EXOC1: variants seen among roughly 807,000 people sequenced by gnomAD.
EXOC1 encodes SEC3-like 1.
A neutral mutation model predicts 107.7 loss-of-function variants in EXOC1; 67 were observed. That is an observed-to-expected ratio of 0.62 (90% CI 0.51 to 0.76). The LOEUF (loss-of-function observed/expected upper bound fraction) is 0.76, where lower values mean the gene tolerates loss of function less well. Among genes scored for constraint, EXOC1 ranks in the 30% least tolerant of loss-of-function variants. EXOC1 has a pLI of 0.00. For missense variants in EXOC1, 833 were observed against 1,055.7 expected, an observed-to-expected ratio of 0.79 and a Z score of 2.92; for synonymous variants, 348 against 353.5, an observed-to-expected ratio of 0.98 and a Z score of 0.17.
intron 7 of EXOC1, among the ~76,000 whole-genome samples, chr4:55,871,449 A>T (rs1722432905): frequency 6.6e-6 from 1 of 152,214 alleles, no homozygotes. Flanking sequence ...GACTATAGTC[A>T]ACACCATGAT....
rs570187029 is a variant in EXOC1, at chr4:55,877,544, T to C, written c.1075-373T>C. Reference sequence around the variant, plus strand: ...TAGACTGTTTTGAATGATTTCTCTATTTGTGTTTCTTAATTCAAGCTATAT... The same window carrying C: ...TAGACTGTTTTGAATGATTTCTCTACTTGTGTTTCTTAATTCAAGCTATAT... On this transcript the variant is annotated intron_variant, in intron 8 of 18. Transcript: ENST00000381295. 1.0e-5 allele frequency: 10 copies of C among 985,244 alleles called. No individual in the cohort carries two copies. In the South Asian group the frequency reaches 4.2e-4, roughly 42 times the overall value. 61.0% of individuals were successfully genotyped at this position (985,244 alleles called of 1,614,324 possible).
intron 3 of EXOC1, 48 bp downstream of exon 3, chr4:55,860,589 T>C: frequency 1.2e-6 from 2 of 1,603,036 alleles, no homozygotes; most frequent in Non-Finnish European, 1.7e-6. Context: ...GCATCTTTCA[T>C]TTTATAACAT....
intron 15 of EXOC1, among the ~76,000 whole-genome samples, chr4:55,894,217 C>T (rs903893852): frequency 1.3e-5 from 2 of 151,538 alleles, no homozygotes; most frequent in Non-Finnish European, 2.9e-5. Context: ...TCCAACTACT[C>T]GGGAGGCTGA....
intron 1 of EXOC1, among the ~76,000 whole-genome samples, chr4:55,856,854 ATT>A (rs1721016348): frequency 6.6e-6 from 1 of 152,182 alleles, no homozygotes; most frequent in South Asian, 2.1e-4. Context: ...ACCCTTTTCA[ATT>A]GTATAATTGA....
At chr4:55,866,473 A>G (rs1220280149) in intron 4 of EXOC1, among the ~76,000 whole-genome samples, 1 of 152,094 alleles carries the variant, frequency 6.6e-6, no homozygotes, top group Non-Finnish European at 1.5e-5. Context: ...ATCCTCTGTG[A>G]GGGAGTGTCT....
rs571236285 is a variant in EXOC1 at position 55,886,587 on chromosome 4, A to C, written c.1331-2301A>C. On this transcript the variant is annotated intron_variant, in intron 10 of 18. Coordinates refer to ENST00000381295, the MANE Select transcript of EXOC1 (RefSeq NM_001024924.2). ...AAAAACAAAAAAACAAAAAAAAAAA[A>C]AACAAGAAATGTAACCCCATCGTAA... 3.4e-4 allele frequency among the ~76,000 whole-genome samples: 52 copies of C among 151,974 alleles called. No individual in the cohort carries two copies. The Middle Eastern group carries it at 0.014, about 40-fold the overall frequency.
intron 1 of EXOC1, among the ~76,000 whole-genome samples, chr4:55,854,680 A>G (rs1720794373): frequency 6.6e-6 from 1 of 152,194 alleles, no homozygotes; most frequent in South Asian, 2.1e-4. Context: ...CATTATGGCT[A>G]ACTCCTTTAT....
At chr4:55,901,752 A>G (rs1725950684) in intron 17 of EXOC1, among the ~76,000 whole-genome samples, 1 of 152,136 alleles carries the variant, frequency 6.6e-6, no homozygotes, top group Admixed American at 6.5e-5. Flanking sequence ...AACCTCATAC[A>G]CTGTTGACAG....
Position 55,896,645 on chromosome 4 carries a change from A to G in EXOC1, c.1954-72A>G, listed in dbSNP as rs375539890. On this transcript the variant is annotated intron_variant, in intron 15 of 18. Transcript: ENST00000381295. ...TATATATCTATATCTCCATCTATAT[A>G]TTTTGTTATGATTATATGTAGTTTT... The G allele has an allele frequency of 8.5e-4, 1,050 of 1,237,846 alleles. 12 individuals carry two copies. In the South Asian group the frequency reaches 0.012, roughly 14 times the overall value. 76.7% of individuals were successfully genotyped at this position (1,237,846 alleles called of 1,614,324 possible).
At chr4:55,875,749 T>G (rs771669617) in intron 8 of EXOC1, 13 of 985,290 alleles carry the variant, frequency 1.3e-5, no homozygotes, top group Admixed American at 6.2e-5. Context: ...TTCTTCCCCT[T>G]TAATCAGCGT....
intron 1 of EXOC1, among the ~76,000 whole-genome samples, chr4:55,855,678 G>T (rs994968639): frequency 6.6e-6 from 1 of 152,290 alleles, no homozygotes; most frequent in East Asian, 1.9e-4. Flanking sequence ...TTACAGAAAA[G>T]ATGACATTTT....
chr4:55,888,411 A>G (rs1012749908), intron 10 of EXOC1, among the ~76,000 whole-genome samples: 4 of 152,130 alleles, frequency 2.6e-5, no homozygotes, highest in East Asian at 1.9e-4. Context: ...TTTGTTGGAT[A>G]TAGTATAAAA....
rs1726417554 is a variant in EXOC1 at position 55,904,714 on chromosome 4, A to G, written c.*219A>G. On this transcript the variant is annotated 3_prime_UTR_variant, in exon 19 of 19. Coordinates refer to ENST00000381295, the MANE Select transcript of EXOC1 (RefSeq NM_001024924.2). ...CTATAGGTTGCATACTAACTTAAGC[A>G]TTCATGTCACCATAAAATGCCTTTA... is the stretch of plus-strand genomic sequence containing the variant. 1 of 371,038 alleles carries G rather than the reference A, an allele frequency of 2.7e-6. No homozygotes were observed. The highest frequency in any genetic ancestry group is 4.2e-5 in the East Asian group (1 of 23,804). 23.0% of individuals were successfully genotyped at this position (371,038 alleles called of 1,614,324 possible). A position where few individuals can be genotyped will look rare whatever the true frequency, so the allele number is the denominator to read the frequency against.
rs1415237050 is a variant in EXOC1 at position 55,853,729 on chromosome 4, A to G, written c.-235A>G. On this transcript the variant is annotated 5_prime_UTR_variant, in exon 1 of 19. Transcript: ENST00000381295. Reference sequence around the variant, plus strand: ...AACGCTTTATTGAGGGGCGTATCCTAGTGGCCCCCATCCGGTCTCCGTTTT... The same window carrying G: ...AACGCTTTATTGAGGGGCGTATCCTGGTGGCCCCCATCCGGTCTCCGTTTT... 11 of 152,254 alleles carry G rather than the reference A, an allele frequency of 7.2e-5. No individual in the cohort carries two copies. Among genetic ancestry groups the G allele is most frequent in the Non-Finnish European group, 1.6e-4 (11 of 68,084 alleles). 9.4% of individuals were successfully genotyped at this position (152,254 alleles called of 1,614,324 possible).
chr4:55,855,237 G>A (rs35312459), intron 1 of EXOC1, among the ~76,000 whole-genome samples: 9,475 of 152,272 alleles, frequency 0.062, 369 homozygotes, highest in Non-Finnish European at 0.076. Flanking sequence ...ACCAGATTTT[G>A]TAGGGTTAAG....
In EXOC1 at chr4:55,877,998, C is replaced by T. The variant is rs1332633276; in HGVS notation, c.1156C>T (p.Leu386Phe). 1.2e-6 allele frequency: 2 copies of T among 1,613,702 alleles called. No homozygotes were observed. Among genetic ancestry groups the T allele is most frequent in the Non-Finnish European group, 1.7e-6 (2 of 1,179,878 alleles). ...TCATCATCCATTTCATAGAGATTTG[C>T]TCCGATATGCCAAGCTGATGGAGTG... is the stretch of plus-strand genomic sequence containing the variant. ...PNHHPFHRDL[L>F]RYAKLMEWLK... The change falls in exon 9 of 19, where the codon CTC becomes TTC. Residue 386 changes from leucine to phenylalanine, a missense_variant. This residue lies in a region of EXOC1 where 617 missense variants were observed against 701.3 expected (regional missense o/e 0.88). Coordinates refer to ENST00000381295, the MANE Select transcript of EXOC1 (RefSeq NM_001024924.2).
At chr4:55,895,171 A>C (rs1248661942) in intron 15 of EXOC1, among the ~76,000 whole-genome samples, 1 of 152,178 alleles carries the variant, frequency 6.6e-6, no homozygotes, top group Non-Finnish European at 1.5e-5. Flanking sequence ...ATAAGATCTT[A>C]TCTCTCATTT....
intron 8 of EXOC1, chr4:55,875,566 A>G: frequency 1.0e-6 from 1 of 984,542 alleles, no homozygotes; most frequent in Non-Finnish European, 1.2e-6. Context: ...GTTACCTTGA[A>G]CAAGTTAATT....
chr4:55,891,253 G>A, intron 12 of EXOC1, 62 bp from the exon 13 acceptor site: 1 of 961,240 alleles, frequency 1.0e-6, no homozygotes. Flanking sequence ...ATTAAATGTG[G>A]AGTGTTATTT....
Sources: gnomAD v4.1 joint callset for allele counts (sites outside exome capture counted in the v4.1 genomes callset) on GRCh38, gnomAD v4.1.1 for gene constraint, gnomAD v4.1.1 regional missense constraint, MANE v1.5 for transcripts, NCBI Gene and HGNC (gene_info 2026-07-23, HGNC 2026-07-21) for gene names.